The following DIAPH3 variants were observed in gnomAD, a reference collection of about 807,000 sequenced individuals.
DIAPH3 encodes protein diaphanous homolog 3.
A neutral mutation model predicts 144.3 loss-of-function variants in DIAPH3; 117 were observed. The observed-to-expected ratio is 0.81, with a 90% CI of 0.70 to 0.95. The LOEUF (loss-of-function observed/expected upper bound fraction) is 0.95. Among genes scored for constraint, DIAPH3 ranks in the 40% least tolerant of loss-of-function variants. DIAPH3 has a pLI of 0.00. For synonymous variants in DIAPH3, 519 were observed against 488.9 expected (o/e 1.06, Z -0.81); for missense variants, 1,421 against 1,412.7 (o/e 1.01, Z -0.09).
At chr13:59,770,600 T>C (rs902592016) in intron 27 of DIAPH3, among the ~76,000 whole-genome samples, 1 of 152,172 alleles carries the variant, frequency 6.6e-6, no homozygotes, top group African/African-American at 2.4e-5. Context: ...CTGCTGCTGC[T>C]GCTAGGCTCA....
At position 59,828,261 on chromosome 13, in the gene DIAPH3, C is replaced by T. The variant is rs183904759; in HGVS notation, c.3027+4846G>A. Among the ~76,000 whole-genome samples, 561 of 151,998 alleles carry T rather than the reference C, an allele frequency of 3.7e-3. 3 individuals are homozygous for T. The highest frequency in any genetic ancestry group is 6.2e-3 in the Non-Finnish European group (423 of 67,904). ...CTTATCCTTCACCCCAGCAACCAGG[C>T]TTTACATTAATAGTCCTCTAATTTT... On this transcript the variant is annotated intron_variant, in intron 24 of 27. Transcript: ENST00000400324.
At chr13:59,860,694 C>T (rs574265010) in intron 22 of DIAPH3, among the ~76,000 whole-genome samples, 6 of 151,496 alleles carry the variant, frequency 4.0e-5, no homozygotes, top group South Asian at 4.2e-4. Context: ...GCCAAGATCA[C>T]GCCACTGCAC....
chr13:59,812,727 T>C (rs2040551676), intron 24 of DIAPH3, among the ~76,000 whole-genome samples: 1 of 152,012 alleles, frequency 6.6e-6, no homozygotes, highest in Non-Finnish European at 1.5e-5. Context: ...TATAAAGGTA[T>C]AAGATGAGGT....
At chr13:60,128,079 T>C (rs772405060) in intron 2 of DIAPH3, among the ~76,000 whole-genome samples, 6 of 152,012 alleles carry the variant, frequency 3.9e-5, no homozygotes, top group Non-Finnish European at 7.4e-5. Flanking sequence ...CCCTCAAGTA[T>C]GCCCCAGTGT....
chr13:59,881,447 C>A (rs563997332), intron 20 of DIAPH3, among the ~76,000 whole-genome samples: 1 of 152,110 alleles, frequency 6.6e-6, no homozygotes, highest in African/African-American at 2.4e-5. Flanking sequence ...CTCCAGTATT[C>A]TATGCAAAAC....
Position 59,879,323 on chromosome 13 carries a change from T to G in DIAPH3, c.2513A>C (p.Lys838Thr). Residue 838 changes from lysine (K) to threonine (T), a missense_variant, in exon 21 of 28, where the codon AAG (lysine) becomes ACG (threonine). Physicochemically the swap from Lys to Thr is moderately conservative, Grantham distance 78. Coordinates refer to ENST00000400324, the MANE Select transcript of DIAPH3 (RefSeq NM_001042517.2). ...CATTAGCAATACAAGTTCCAGCAAC[T>G]TGCTAAAGCTTTTGCTCTTCTTTAT... ...EEIKKSKSFS[K>T]LLELVLLMGN... 2.5e-6 allele frequency: 4 copies of G among 1,613,888 alleles called. No individual in the cohort carries two copies. Among genetic ancestry groups the G allele is most frequent in the Non-Finnish European group, 3.4e-6 (4 of 1,179,854 alleles).
chr13:59,848,343 T>A (rs998578585), intron 22 of DIAPH3, among the ~76,000 whole-genome samples: 13 of 151,080 alleles, frequency 8.6e-5, no homozygotes, highest in Non-Finnish European at 1.9e-4. Flanking sequence ...TACTTTAAGT[T>A]TTAGGGTACA....
chr13:59,909,243 CATCA>C (rs1384725697), intron 20 of DIAPH3, among the ~76,000 whole-genome samples: 2 of 151,952 alleles, frequency 1.3e-5, no homozygotes, highest in East Asian at 3.9e-4. Flanking sequence ...ACTGAAAACA[CATCA>C]TTCTTTAGTA....
intron 1 of DIAPH3, among the ~76,000 whole-genome samples, chr13:60,137,619 C>T (rs1223085880): frequency 2.6e-5 from 4 of 151,996 alleles, no homozygotes; most frequent in Non-Finnish European, 5.9e-5. Context: ...TCATTAGGAA[C>T]ATGACAGCCA....
At chr13:60,103,204 T>A (rs1336201175) in intron 3 of DIAPH3, among the ~76,000 whole-genome samples, 1 of 152,002 alleles carries the variant, frequency 6.6e-6, no homozygotes, top group Non-Finnish European at 1.5e-5. Context: ...CACATGCAAC[T>A]CGTTGGAGCA....
chr13:59,806,133 T>A (rs999145549), intron 25 of DIAPH3, among the ~76,000 whole-genome samples: 1 of 152,008 alleles, frequency 6.6e-6, no homozygotes, highest in African/African-American at 2.4e-5. Flanking sequence ...TCTTCCTCCA[T>A]CATCCAGGGG....
At chr13:59,780,809 A>G (rs2038697123) in intron 25 of DIAPH3, among the ~76,000 whole-genome samples, 1 of 152,212 alleles carries the variant, frequency 6.6e-6, no homozygotes, top group Non-Finnish European at 1.5e-5. Flanking sequence ...GGAAAATATA[A>G]TGAGTTTCCT....
At chr13:59,709,840 C>G (rs1402501071) in intron 27 of DIAPH3, among the ~76,000 whole-genome samples, 1 of 152,038 alleles carries the variant, frequency 6.6e-6, no homozygotes, top group East Asian at 1.9e-4. Context: ...GACTTGGAAC[C>G]AACCCAAATG....
At chr13:59,795,840 A>G (rs2039573842) in intron 25 of DIAPH3, among the ~76,000 whole-genome samples, 1 of 151,996 alleles carries the variant, frequency 6.6e-6, no homozygotes, top group Non-Finnish European at 1.5e-5. Flanking sequence ...CATATTCTCC[A>G]TTGCTCAATG....
chr13:60,127,972 A>G (rs2059032412), intron 2 of DIAPH3, among the ~76,000 whole-genome samples: 2 of 152,066 alleles, frequency 1.3e-5, no homozygotes, highest in African/African-American at 2.4e-5. Flanking sequence ...CTCATGTCAC[A>G]TAGGTTTGTT....
chr13:59,861,690 A>T (rs1232897831), intron 21 of DIAPH3, among the ~76,000 whole-genome samples, 154 bp from the exon 22 acceptor site: 2 of 152,226 alleles, frequency 1.3e-5, no homozygotes, highest in Non-Finnish European at 2.9e-5. Context: ...TAAATACTCG[A>T]AAAACTACTT....
intron 25 of DIAPH3, among the ~76,000 whole-genome samples, chr13:59,807,423 G>A (rs772018215): frequency 6.6e-5 from 10 of 151,946 alleles, no homozygotes; most frequent in Non-Finnish European, 1.5e-4. Context: ...AATCATAGCT[G>A]TTTCAGCATG....
At chr13:59,923,425 A>G (rs1043555380) in intron 18 of DIAPH3, among the ~76,000 whole-genome samples, 1 of 152,166 alleles carries the variant, frequency 6.6e-6, no homozygotes, top group African/African-American at 2.4e-5. Context: ...AAATATGTAC[A>G]TCATGCAAAA....
intron 17 of DIAPH3, among the ~76,000 whole-genome samples, chr13:59,955,447 G>A (rs915595029): frequency 7.9e-5 from 12 of 152,084 alleles, no homozygotes; most frequent in African/African-American, 2.7e-4. Flanking sequence ...TGATTGTGAG[G>A]CCTTCCCAGC....
Sources: gnomAD v4.1 joint callset for allele counts (sites outside exome capture counted in the v4.1 genomes callset) on GRCh38, gnomAD v4.1.1 for gene constraint, MANE v1.5 for transcripts, NCBI Gene and HGNC (gene_info 2026-07-23, HGNC 2026-07-21) for gene names.